HELQ: variants seen among roughly 807,000 people sequenced by gnomAD.
HELQ encodes helicase POLQ-like.
HELQ carries 77 observed loss-of-function variants against 111.6 expected under a neutral mutation model. That is an observed-to-expected ratio of 0.69 (90% confidence interval 0.57 to 0.83). The LOEUF (loss-of-function observed/expected upper bound fraction) is 0.83, where lower values mean the gene tolerates loss of function less well. Ranked by LOEUF, HELQ falls within the 40% of genes least tolerant of loss-of-function variation. The pLI is 0.00. For synonymous variants in HELQ, 438 were observed against 454.7 expected (o/e 0.96, Z 0.47); for missense variants, 1,200 against 1,288.5 (o/e 0.93, Z 1.05).
At chr4:83,407,647 A>C in intron 17 of HELQ, 87 bp from the exon 18 acceptor site, 3 of 741,056 alleles carry the variant, frequency 4.0e-6, no homozygotes, top group Non-Finnish European at 7.0e-6. Context: ...GAACACCTGA[A>C]TCCTTACACA....
At chr4:83,437,128 C>T (rs748612874) in intron 8 of HELQ, 31 bp from the exon 9 acceptor site, 8 of 1,596,722 alleles carry the variant, frequency 5.0e-6, no homozygotes, top group Non-Finnish European at 6.8e-6. Flanking sequence ...AAATATGAGC[C>T]CTTGATCTTT....
chr4:83,447,754 T>C (rs980942787), intron 3 of HELQ, among the ~76,000 whole-genome samples: 1 of 144,444 alleles, frequency 6.9e-6, no homozygotes, highest in Admixed American at 7.0e-5. Context: ...GGCTGCTGGG[T>C]GGGGTCGTGG....
intron 2 of HELQ, 69 bp downstream of exon 2, chr4:83,453,162 C>G: frequency 1.2e-6 from 1 of 841,356 alleles, no homozygotes; most frequent in South Asian, 1.7e-5. Flanking sequence ...GCATTTGCTT[C>G]TATTTACTTG....
At position 83,446,463 on chromosome 4, in the gene HELQ, CG is replaced by C. The variant is rs569723680; in HGVS notation, c.1392+371del. Among the ~76,000 whole-genome samples the C allele has an allele frequency of 1.3e-3, 198 of 152,224 alleles. 1 individual carries two copies. The highest frequency in any genetic ancestry group is 4.6e-3 in the African/African-American group (193 of 41,528). ...CTGGGATTACAGGCGCCCACCACCA[CG>C]CCCGGCTAATTTTTGTATTTTTAGT... On this transcript the variant is annotated intron_variant, in intron 4 of 17. Transcript: ENST00000295488.
intron 17 of HELQ, among the ~76,000 whole-genome samples, chr4:83,414,142 A>G (rs1578064251): frequency 6.6e-6 from 1 of 152,352 alleles, no homozygotes; most frequent in East Asian, 1.9e-4. Context: ...TAAGTATAGA[A>G]AAATACATAG....
At chr4:83,413,731 A>T (rs1270049719) in intron 17 of HELQ, among the ~76,000 whole-genome samples, 3 of 152,114 alleles carry the variant, frequency 2.0e-5, no homozygotes, top group Non-Finnish European at 2.9e-5. Context: ...TAAAATGCTC[A>T]TTTTCTGGAC....
At chr4:83,441,920 T>C (rs1578095514) in intron 6 of HELQ, among the ~76,000 whole-genome samples, 1 of 151,964 alleles carries the variant, frequency 6.6e-6, no homozygotes, top group East Asian at 1.9e-4. Flanking sequence ...ATGACAGGCA[T>C]GCGCTACCAC....
Position 83,453,442 on chromosome 4 carries a change from A to C in HELQ, c.801T>G (p.Asp267Glu). 6.2e-7 allele frequency: 1 copy of C among 1,602,564 alleles called. No individual in the cohort carries two copies. Among genetic ancestry groups the C allele is most frequent in the African/African-American group, 1.4e-5 (1 of 74,044 alleles). Residue 267 changes from aspartate (D) to glutamate (E), a missense_variant, in exon 2 of 18, where the codon GAT (aspartate) becomes GAG (glutamate). By Grantham distance (45) the Asp-to-Glu change is conservative. Transcript: ENST00000295488. ...SDMNRRKSIK[D>E]HLKNAMTGNA... ...TTCCAGTCATGGCATTTTTTAGATG[A>C]TCTTTAATACTTTTTCTCCTGTTCA... is the stretch of plus-strand genomic sequence containing the variant.
At position 83,453,312 on chromosome 4, in the gene HELQ, T is replaced by C; in HGVS notation, c.931A>G (p.Asn311Asp). The change falls in exon 2 of 18, where the codon AAT becomes GAT. Residue 311 changes from asparagine (N) to aspartate (D), a missense_variant. This residue lies in a region of HELQ where 610 missense variants were observed against 607.1 expected (regional missense o/e 1.00). Coordinates refer to ENST00000295488, the MANE Select transcript of HELQ (RefSeq NM_133636.5). ...VAKKTVESSSNDLGPFYSLPS... is the reference protein window; with the variant it reads ...VAKKTVESSSDDLGPFYSLPS... ...AATGAATAAAAAGGACCAAGGTCAT[T>C]TGATGATGACTCAACTGTTTTCTTA... The C allele has an allele frequency of 1.9e-6, 3 of 1,613,990 alleles. No individual in the cohort carries two copies. Among genetic ancestry groups the C allele is most frequent in the Non-Finnish European group, 2.5e-6 (3 of 1,179,882 alleles).
chr4:83,415,293 G>C (rs1739301932), intron 17 of HELQ, among the ~76,000 whole-genome samples: 1 of 152,116 alleles, frequency 6.6e-6, no homozygotes, highest in Non-Finnish European at 1.5e-5. Context: ...ACAGAAAAGA[G>C]AAACCCTTGG....
chr4:83,448,044 T>C (rs907936672), intron 3 of HELQ, among the ~76,000 whole-genome samples: 4 of 151,804 alleles, frequency 2.6e-5, no homozygotes, highest in Non-Finnish European at 5.9e-5. Flanking sequence ...AACCCATCTC[T>C]ACTAAAAATA....
rs761611311 is a variant in HELQ at position 83,429,581 on chromosome 4, C to T, written c.2461G>A (p.Glu821Lys). The T allele has an allele frequency of 9.3e-6, 15 of 1,612,702 alleles. No individual in the cohort carries two copies. In the East Asian group the frequency reaches 2.9e-4, roughly 31 times the overall value. The change falls in exon 12 of 18, where the codon GAA (glutamate) becomes AAA (lysine). Residue 821 changes from glutamate to lysine, a missense_variant. Glu to Lys is a moderately conservative substitution (Grantham distance 56, BLOSUM62 1). Transcript: ENST00000295488. ...TGAAAATTATATTGGACCTCTTCTTCAGACTTATAAATAGTGTCTTTTTGT... is the reference window on the plus strand; with the variant it reads ...TGAAAATTATATTGGACCTCTTCTTTAGACTTATAAATAGTGTCTTTTTGT... ...LLQKDTIYKS[E>K]EEVQYNFHIT...
intron 11 of HELQ, 116 bp downstream of exon 11, chr4:83,431,548 T>C (rs549710707): frequency 2.6e-6 from 1 of 379,640 alleles, no homozygotes; most frequent in East Asian, 4.3e-5. Context: ...GAAAAAATTA[T>C]TAAATAAAAA....
chr4:83,429,443 C>A (rs1009111808), intron 12 of HELQ, 81 bp downstream of exon 12: 32 of 1,071,482 alleles, frequency 3.0e-5, no homozygotes, highest in Admixed American at 8.8e-5. Context: ...GCCACTGTGC[C>A]CAGCTTAAAG....
chr4:83,407,700 G>A (rs188233456), intron 17 of HELQ, 140 bp from the exon 18 acceptor site: 83 of 608,954 alleles, frequency 1.4e-4, no homozygotes, highest in Admixed American at 4.0e-4. Context: ...TTGAAAAATG[G>A]CCACTTAAGA....
chr4:83,433,469 C>T (rs1224605022), intron 9 of HELQ, among the ~76,000 whole-genome samples: 1 of 151,970 alleles, frequency 6.6e-6, no homozygotes, highest in Non-Finnish European at 1.5e-5. Context: ...AGATGGAGAC[C>T]ATCCTGGCTA....
chr4:83,420,749 T>C (rs1739635750), intron 15 of HELQ, among the ~76,000 whole-genome samples: 1 of 152,008 alleles, frequency 6.6e-6, no homozygotes, highest in Non-Finnish European at 1.5e-5. Flanking sequence ...TGCGCCACTG[T>C]ACTCCAGCCT....
chr4:83,421,544 AT>A lies in HELQ; in HGVS notation c.2949+18del, dbSNP rs1739682860. 6.3e-7 allele frequency: 1 copy of A among 1,593,448 alleles called. No homozygotes were observed. The highest frequency in any genetic ancestry group is 1.3e-5 in the African/African-American group (1 of 74,348). ...CCAGAAGATGCACAAAGTACATATC[AT>A]ATATTCAATGAAATTACCTCACAGA... On this transcript the variant is annotated intron_variant, in intron 15 of 17. Coordinates refer to ENST00000295488, the MANE Select transcript of HELQ (RefSeq NM_133636.5).
intron 2 of HELQ, among the ~76,000 whole-genome samples, chr4:83,452,533 C>A (rs1414375686): frequency 6.6e-6 from 1 of 152,164 alleles, no homozygotes; most frequent in Non-Finnish European, 1.5e-5. Flanking sequence ...TAATAACTGA[C>A]TTCTTTCACT....
Sources: gnomAD v4.1 joint callset for allele counts (sites outside exome capture counted in the v4.1 genomes callset) on GRCh38, gnomAD v4.1.1 for gene constraint, gnomAD v4.1.1 regional missense constraint, MANE v1.5 for transcripts, NCBI Gene and HGNC (gene_info 2026-07-23, HGNC 2026-07-21) for gene names.